RAB30: variants seen among roughly 807,000 people sequenced by gnomAD.
RAB30 encodes the protein RAB30, member RAS oncogene family.
RAB30 carries 9 observed loss-of-function variants against 25.1 expected under a neutral mutation model. The ratio of observed to expected loss-of-function variants is 0.36; its 90% CI spans 0.22 to 0.63. RAB30 has a LOEUF of 0.63. RAB30 is among the 20% of genes least tolerant of loss of function. The probability of loss-of-function intolerance (pLI) is 0.69; values close to 1 mark genes in which losing one functional copy is unlikely to be tolerated. For missense variants in RAB30, 140 were observed against 243.5 expected (o/e 0.58, Z 2.83); for synonymous variants, 77 against 86.4 (o/e 0.89, Z 0.60).
At chr11:83,055,981 T>C (rs1430783929) in intron 1 of RAB30, among the ~76,000 whole-genome samples, 3 of 152,272 alleles carry the variant, frequency 2.0e-5, no homozygotes, top group African/African-American at 4.8e-5. Flanking sequence ...TATTTTGCTA[T>C]AGTAGCACAA....
At chr11:83,032,776 G>C (rs1565284041) in intron 1 of RAB30, among the ~76,000 whole-genome samples, 1 of 152,222 alleles carries the variant, frequency 6.6e-6, no homozygotes, top group Middle Eastern at 3.4e-3. Context: ...AAGGAGAAAA[G>C]AATGGAAAAA....
At position 83,071,895 on chromosome 11, in the gene RAB30, A is replaced by G. The variant is rs966868075; in HGVS notation, c.-213T>C. 1.0e-5 allele frequency: 4 copies of G among 391,198 alleles called. No homozygotes were observed. The highest frequency in any genetic ancestry group is 1.8e-5 in the Non-Finnish European group (4 of 222,010). 24.2% of individuals were successfully genotyped at this position (391,198 alleles called of 1,614,324 possible). ...GCAGGGGGTGGAGAGACCGTAGCACAATGAATGCAGTGGGGCTTTTGCAAT... is the reference window on the plus strand; with the variant it reads ...GCAGGGGGTGGAGAGACCGTAGCACGATGAATGCAGTGGGGCTTTTGCAAT... On this transcript the variant is annotated 5_prime_UTR_variant, in exon 1 of 5. Transcript: ENST00000527633.
intron 2 of RAB30, among the ~76,000 whole-genome samples, chr11:82,996,962 A>C (rs1482971452): frequency 6.6e-6 from 1 of 152,230 alleles, no homozygotes; most frequent in Non-Finnish European, 1.5e-5. Flanking sequence ...CAGCAAAACC[A>C]CTTGCCTTTG....
chr11:83,019,093 C>T (rs1857505755), intron 1 of RAB30, among the ~76,000 whole-genome samples: 1 of 152,218 alleles, frequency 6.6e-6, no homozygotes, highest in Admixed American at 6.5e-5. Flanking sequence ...GTGGCATGAT[C>T]TCGGCTCACT....
At chr11:82,985,103 G>T (rs565574214) in intron 4 of RAB30, among the ~76,000 whole-genome samples, 3 of 152,002 alleles carry the variant, frequency 2.0e-5, no homozygotes, top group African/African-American at 7.3e-5. Context: ...TTGGCCTCCC[G>T]CTGGGATTAC....
chr11:83,026,231 T>TA (rs527870202), intron 1 of RAB30, among the ~76,000 whole-genome samples: 32 of 150,980 alleles, frequency 2.1e-4, no homozygotes, highest in African/African-American at 3.9e-4. Context: ...CACACATACA[T>TA]AAAAAAAAAT....
chr11:83,048,619 G>A (rs1858285317), intron 1 of RAB30, among the ~76,000 whole-genome samples: 1 of 152,106 alleles, frequency 6.6e-6, no homozygotes, highest in Admixed American at 6.5e-5. Flanking sequence ...GCAAACATTG[G>A]CCCCTCTGCT....
chr11:82,991,146 C>T (rs1856842302), intron 3 of RAB30, among the ~76,000 whole-genome samples: 3 of 152,000 alleles, frequency 2.0e-5, no homozygotes, highest in South Asian at 2.1e-4. Context: ...TGGGAAAGCC[C>T]GCAAACTACT....
At position 83,071,888 on chromosome 11, in the gene RAB30, G is replaced by T. The variant is rs902900213; in HGVS notation, c.-206C>A. Reference sequence around the variant, plus strand: ...AGCAGCAGCAGGGGGTGGAGAGACCGTAGCACAATGAATGCAGTGGGGCTT... The same window carrying T: ...AGCAGCAGCAGGGGGTGGAGAGACCTTAGCACAATGAATGCAGTGGGGCTT... On this transcript the variant is annotated 5_prime_UTR_variant, in exon 1 of 5. Coordinates refer to ENST00000527633, the MANE Select transcript of RAB30 (RefSeq NM_001286060.2). 2.6e-6 allele frequency: 1 copy of T among 388,446 alleles called. No individual in the cohort carries two copies. The highest frequency in any genetic ancestry group is 4.5e-6 in the Non-Finnish European group (1 of 220,224). 24.1% of individuals were successfully genotyped at this position (388,446 alleles called of 1,614,324 possible).
chr11:82,996,835 TAG>T (rs1046284564), intron 2 of RAB30, among the ~76,000 whole-genome samples: 4 of 152,246 alleles, frequency 2.6e-5, no homozygotes, highest in Non-Finnish European at 5.9e-5. Flanking sequence ...TAATTTGTAT[TAG>T]AGTTTTAAAA....
chr11:83,068,990 G>T (rs747952409), intron 1 of RAB30, among the ~76,000 whole-genome samples: 1 of 152,192 alleles, frequency 6.6e-6, no homozygotes, highest in Non-Finnish European at 1.5e-5. Flanking sequence ...TATCCACAGT[G>T]CTTAGTACAT....
intron 3 of RAB30, among the ~76,000 whole-genome samples, chr11:82,993,774 C>A (rs980544481): frequency 6.6e-6 from 1 of 152,190 alleles, no homozygotes; most frequent in Non-Finnish European, 1.5e-5. Flanking sequence ...TCTTCCTTAT[C>A]TTTATGTCAC....
chr11:83,032,953 C>T (rs543005347), intron 1 of RAB30, among the ~76,000 whole-genome samples: 2 of 151,372 alleles, frequency 1.3e-5, no homozygotes, highest in Admixed American at 6.6e-5. Context: ...AAATACCCGA[C>T]ATCTTAAGCA....
chr11:83,063,958 G>A (rs1858638066), intron 1 of RAB30, among the ~76,000 whole-genome samples: 1 of 152,156 alleles, frequency 6.6e-6, no homozygotes, highest in South Asian at 2.1e-4. Context: ...AGAATTACAT[G>A]TGCTATAATA....
chr11:82,992,417 C>T, intron 3 of RAB30: 1 of 455,822 alleles, frequency 2.2e-6, no homozygotes, highest in African/African-American at 2.0e-5. Context: ...CTGGAAGAGA[C>T]ACTGAGAGAG....
chr11:83,010,740 G>C, intron 1 of RAB30, among the ~76,000 whole-genome samples: 1 of 152,084 alleles, frequency 6.6e-6, no homozygotes, highest in East Asian at 1.9e-4. Context: ...TTAGCTCACT[G>C]CTGAGAATTC....
intron 1 of RAB30, among the ~76,000 whole-genome samples, chr11:82,999,929 C>T (rs151178078): frequency 2.1e-3 from 314 of 152,010 alleles, no homozygotes; most frequent in African/African-American, 7.2e-3. Flanking sequence ...TCCTCAGCAC[C>T]TCAGCCCTAC....
At chr11:83,018,462 A>G (rs1471827973) in intron 1 of RAB30, among the ~76,000 whole-genome samples, 1 of 152,038 alleles carries the variant, frequency 6.6e-6, no homozygotes, top group Non-Finnish European at 1.5e-5. Context: ...GCACTTTTTC[A>G]TGTTTATTGA....
At chr11:83,068,683 T>C (rs750082347) in intron 1 of RAB30, among the ~76,000 whole-genome samples, 2 of 152,184 alleles carry the variant, frequency 1.3e-5, no homozygotes, top group Non-Finnish European at 2.9e-5. Context: ...TTCACCACTC[T>C]TCCCTTTGAA....
Sources: allele counts gnomAD v4.1 joint callset (sites outside exome capture counted in the v4.1 genomes callset), GRCh38; gene constraint gnomAD v4.1.1; transcripts MANE v1.5; gene names NCBI Gene and HGNC (gene_info 2026-07-23, HGNC 2026-07-21).